RASGRP3: variants seen among roughly 807,000 people sequenced by gnomAD.
RASGRP3 encodes ras guanyl-releasing protein 3.
In RASGRP3, 54 loss-of-function variants were observed where a neutral mutation model predicts 82.7. That is an observed-to-expected ratio of 0.65 (90% CI 0.52 to 0.82). RASGRP3 has a LOEUF of 0.82. RASGRP3 is among the 40% of genes least tolerant of loss of function. The pLI is 0.00. For missense variants in RASGRP3, 861 were observed against 828.9 expected (o/e 1.04, Z -0.48); for synonymous variants, 309 against 300.5 (o/e 1.03, Z -0.29).
chr2:33,515,068 G>C lies in RASGRP3; in HGVS notation c.-69G>C. On this transcript the variant is annotated 5_prime_UTR_variant, in exon 3 of 18. Transcript: ENST00000403687. ...CACTAGGCACTAACATCGCTGACTT[G>C]CATGATTATGGAGATGGTCTATCTG... is the stretch of plus-strand genomic sequence containing the variant. 1.4e-6 allele frequency: 2 copies of C among 1,457,488 alleles called. No individual in the cohort carries two copies. Among genetic ancestry groups the C allele is most frequent in the Non-Finnish European group, 9.6e-7 (1 of 1,037,646 alleles). The allele number at this position is 1,457,488 out of a possible 1,614,324, so 90.3% of individuals were successfully genotyped here.
At chr2:33,500,084 G>A (rs1016478333) in intron 1 of RASGRP3, among the ~76,000 whole-genome samples, 6 of 152,086 alleles carry the variant, frequency 3.9e-5, no homozygotes, top group Non-Finnish European at 7.4e-5. Context: ...GTAAGTATTG[G>A]GAGAGGAGAG....
At chr2:33,508,589 T>C (rs985743376) in intron 1 of RASGRP3, among the ~76,000 whole-genome samples, 2 of 152,162 alleles carry the variant, frequency 1.3e-5, no homozygotes, top group African/African-American at 4.8e-5. Context: ...GTCTGGCAAC[T>C]TCCATTTACT....
intron 9 of RASGRP3, 107 bp downstream of exon 9, chr2:33,524,655 T>C: frequency 1.2e-6 from 1 of 817,136 alleles, no homozygotes; most frequent in Non-Finnish European, 1.9e-6. Context: ...GTTTTCCTCT[T>C]AAACCAGTGG....
In RASGRP3 at chr2:33,515,162, C is replaced by G. The variant is rs1426464915; in HGVS notation, c.26C>G (p.Ala9Gly). Residue 9 changes from alanine to glycine, a missense_variant, in exon 3 of 18, where the codon GCA (alanine) becomes GGA (glycine). Coordinates refer to ENST00000403687, the MANE Select transcript of RASGRP3 (RefSeq NM_001139488.2). The stretch of plus-strand genomic sequence containing the variant: ...ATGGGATCAAGTGGCCTTGGGAAAG[C>G]AGCAACATTAGATGAACTGCTGTGC... MGSSGLGK[A>G]ATLDELLCTC... 1 of 1,613,982 alleles carries G rather than the reference C, an allele frequency of 6.2e-7. No homozygotes were observed. Among genetic ancestry groups the G allele is most frequent in the East Asian group, 2.2e-5 (1 of 44,882 alleles).
intron 1 of RASGRP3, among the ~76,000 whole-genome samples, chr2:33,502,610 T>C (rs926422321): frequency 6.6e-6 from 1 of 151,730 alleles, no homozygotes; most frequent in Non-Finnish European, 1.5e-5. Context: ...CCTCCCGGGT[T>C]CAAGGGATTC....
intron 2 of RASGRP3, 83 bp from the exon 3 acceptor site, chr2:33,514,927 T>G: frequency 1.8e-6 from 1 of 570,436 alleles, no homozygotes; most frequent in South Asian, 2.2e-5. Flanking sequence ...TGGAAGTCAT[T>G]ATCTTTTCAG....
rs184413922 is a variant in RASGRP3, at chr2:33,561,157, C to G, written c.2065-1572C>G. ...TCTTAGCTCACTGCAACCTCTGCCTCCCAGGTTCAAGCGATTCTCCTGCCT... is the reference window on the plus strand; with the variant it reads ...TCTTAGCTCACTGCAACCTCTGCCTGCCAGGTTCAAGCGATTCTCCTGCCT... On this transcript the variant is annotated intron_variant, in intron 17 of 17. Transcript: ENST00000403687. Among the ~76,000 whole-genome samples the G allele has an allele frequency of 2.8e-4, 42 of 152,078 alleles. 1 individual carries two copies. In the East Asian group the frequency reaches 7.5e-3, roughly 27 times the overall value.
At chr2:33,488,813 A>C (rs1017569540) in intron 1 of RASGRP3, among the ~76,000 whole-genome samples, 1 of 152,250 alleles carries the variant, frequency 6.6e-6, no homozygotes, top group African/African-American at 2.4e-5. Flanking sequence ...TGTCTAAAAG[A>C]CATGTTCATT....
chr2:33,529,102 T>G (rs1672850899), intron 10 of RASGRP3, among the ~76,000 whole-genome samples: 1 of 152,052 alleles, frequency 6.6e-6, no homozygotes, highest in Admixed American at 6.6e-5. Context: ...AGCTAAAAGA[T>G]AATAATGGGG....
At chr2:33,507,731 G>A (rs899601002) in intron 1 of RASGRP3, among the ~76,000 whole-genome samples, 1 of 152,090 alleles carries the variant, frequency 6.6e-6, no homozygotes, top group Admixed American at 6.5e-5. Flanking sequence ...TCACCATGTT[G>A]GCCAGGCTGG....
chr2:33,506,580 G>A (rs1284436110), intron 1 of RASGRP3, among the ~76,000 whole-genome samples: 1 of 152,178 alleles, frequency 6.6e-6, no homozygotes, highest in Non-Finnish European at 1.5e-5. Context: ...CCAGGACAAT[G>A]TTGATTATTA....
intron 1 of RASGRP3, among the ~76,000 whole-genome samples, chr2:33,507,471 G>T (rs1170616590): frequency 2.0e-5 from 3 of 152,302 alleles, no homozygotes; most frequent in African/African-American, 7.2e-5. Flanking sequence ...CATAGGAAAG[G>T]TGGCTCTGGT....
At chr2:33,437,826 T>C (rs992884061) in intron 1 of RASGRP3, among the ~76,000 whole-genome samples, 3 of 151,558 alleles carry the variant, frequency 2.0e-5, no homozygotes, top group African/African-American at 7.3e-5. Context: ...ACTTAAGTGG[T>C]TAAAAAAAAA....
chr2:33,517,990 A>G (rs1285492340), intron 4 of RASGRP3, among the ~76,000 whole-genome samples: 2 of 152,226 alleles, frequency 1.3e-5, no homozygotes, highest in East Asian at 3.8e-4. Context: ...AAGAATATGA[A>G]TAAATACGCT....
rs111601879 is a variant in RASGRP3, at chr2:33,490,360, G to A, written c.-261+13653G>A. On this transcript the variant is annotated intron_variant, in intron 1 of 17. Coordinates refer to ENST00000403687, the MANE Select transcript of RASGRP3 (RefSeq NM_001139488.2). Reference sequence around the variant, plus strand: ...GTTTCTTTACCTCTCATTTACTCTTGCACTCACACCAAACTAGCCTCTGCC... The same window carrying A: ...GTTTCTTTACCTCTCATTTACTCTTACACTCACACCAAACTAGCCTCTGCC... 5.3e-3 allele frequency among the ~76,000 whole-genome samples: 814 copies of A among 152,190 alleles called. 4 individuals carry two copies. The highest frequency in any genetic ancestry group is 0.013 in the South Asian group (64 of 4,820).
intron 2 of RASGRP3, among the ~76,000 whole-genome samples, chr2:33,456,677 G>C (rs1666052470): frequency 6.6e-6 from 1 of 152,082 alleles, no homozygotes; most frequent in African/African-American, 2.4e-5. Flanking sequence ...TTGAGGTCTT[G>C]ACATATTTAT....
At chr2:33,459,988 A>G (rs1666269927) in intron 2 of RASGRP3, among the ~76,000 whole-genome samples, 1 of 152,218 alleles carries the variant, frequency 6.6e-6, no homozygotes, top group Non-Finnish European at 1.5e-5. Flanking sequence ...CAAGGAAAGA[A>G]TGTTTGTCAA....
intron 4 of RASGRP3, 145 bp from the exon 5 acceptor site, chr2:33,519,807 T>A (rs1467688155): frequency 1.7e-6 from 1 of 587,572 alleles, no homozygotes. Context: ...GTGGAAGTCA[T>A]CAGAGGCCAC....
At chr2:33,512,190 C>T (rs772839273) in intron 2 of RASGRP3, among the ~76,000 whole-genome samples, 16 of 152,174 alleles carry the variant, frequency 1.1e-4, no homozygotes, top group Non-Finnish European at 2.4e-4. Context: ...CCACCTGGCC[C>T]GTCGTGTGCC....
Sources: gnomAD v4.1 joint callset for allele counts (sites outside exome capture counted in the v4.1 genomes callset) on GRCh38, gnomAD v4.1.1 for gene constraint, MANE v1.5 for transcripts, NCBI Gene and HGNC (gene_info 2026-07-23, HGNC 2026-07-21) for gene names.